Variants in BNC2 observed in about 807,000 individuals in gnomAD.
BNC2 encodes the protein zinc finger protein basonuclin-2.
A neutral mutation model predicts 76.3 loss-of-function variants in BNC2; 20 were observed. That is an observed-to-expected ratio of 0.26 (90% CI 0.18 to 0.38). BNC2 has a LOEUF of 0.38. Ranked by LOEUF, BNC2 falls within the 10% of genes least tolerant of loss-of-function variation. BNC2 has a pLI of 1.00. For missense variants in BNC2, 1,382 were observed against 1,399.8 expected, an observed-to-expected ratio of 0.99 and a Z score of 0.20; for synonymous variants, 582 against 514.8, an observed-to-expected ratio of 1.13 and a Z score of -1.77.
intron 5 of BNC2, among the ~76,000 whole-genome samples, chr9:16,515,031 A>ATC (rs1236845954): frequency 6.6e-6 from 1 of 152,216 alleles, no homozygotes; most frequent in Non-Finnish European, 1.5e-5. Context: ...AGACGGGAGG[A>ATC]AAGAGAACTC....
intron 3 of BNC2, among the ~76,000 whole-genome samples, chr9:16,673,440 A>C (rs74559152): frequency 6.7e-6 from 1 of 149,536 alleles, no homozygotes; most frequent in Non-Finnish European, 1.5e-5. Context: ...TAAAAAAAAA[A>C]AAAACACACA....
intron 5 of BNC2, among the ~76,000 whole-genome samples, chr9:16,482,676 C>G (rs1158278478): frequency 6.6e-6 from 1 of 151,570 alleles, no homozygotes; most frequent in East Asian, 1.9e-4. Flanking sequence ...TACTTCTTCT[C>G]TATCAGGAAT....
At chr9:16,652,993 C>T (rs1023576019) in intron 3 of BNC2, among the ~76,000 whole-genome samples, 12 of 152,108 alleles carry the variant, frequency 7.9e-5, no homozygotes, top group South Asian at 4.1e-4. Context: ...AAGTTTTGAA[C>T]TCTTGATTTC....
At chr9:16,572,215 A>C (rs1475854354) in intron 4 of BNC2, among the ~76,000 whole-genome samples, 1 of 152,178 alleles carries the variant, frequency 6.6e-6, no homozygotes, top group Non-Finnish European at 1.5e-5. Flanking sequence ...AAACAAATTT[A>C]ACTTCTCTAA....
At chr9:16,600,445 C>T (rs982133232) in intron 3 of BNC2, among the ~76,000 whole-genome samples, 4 of 152,088 alleles carry the variant, frequency 2.6e-5, no homozygotes, top group Admixed American at 6.6e-5. Flanking sequence ...GTAAAGCAGA[C>T]GTAGTACAAT....
chr9:16,558,049 T>A (rs1319024538), intron 4 of BNC2, among the ~76,000 whole-genome samples: 4 of 152,184 alleles, frequency 2.6e-5, no homozygotes, highest in African/African-American at 7.2e-5. Context: ...GGTTTCCCCA[T>A]GTTGTTCAGC....
At chr9:16,459,784 C>T (rs953072917) in intron 5 of BNC2, among the ~76,000 whole-genome samples, 7 of 152,106 alleles carry the variant, frequency 4.6e-5, no homozygotes, top group African/African-American at 1.7e-4. Context: ...TGCACCTTAT[C>T]AACAAATAAA....
intron 3 of BNC2, among the ~76,000 whole-genome samples, chr9:16,668,367 A>C: frequency 6.6e-6 from 1 of 152,190 alleles, no homozygotes; most frequent in East Asian, 1.9e-4. Context: ...TTTAGATGAG[A>C]AATCAGAAAA....
chr9:16,850,724 A>G (rs945333035), intron 1 of BNC2, among the ~76,000 whole-genome samples: 12 of 152,280 alleles, frequency 7.9e-5, no homozygotes, highest in Non-Finnish European at 1.5e-4. Context: ...CTTAAGTCCA[A>G]GAGTTCAAGG....
At chr9:16,864,551 A>G (rs1819494031) in intron 1 of BNC2, among the ~76,000 whole-genome samples, 1 of 152,196 alleles carries the variant, frequency 6.6e-6, no homozygotes, top group Non-Finnish European at 1.5e-5. Context: ...CCTGTTAAGC[A>G]AAATTCCTTC....
chr9:16,497,090 G>A (rs1471694663), intron 5 of BNC2, among the ~76,000 whole-genome samples: 1 of 152,246 alleles, frequency 6.6e-6, no homozygotes, highest in Non-Finnish European at 1.5e-5. Context: ...GGAAGGGGAA[G>A]GGCTCAGAGA....
chr9:16,566,051 T>C (rs1819157883), intron 4 of BNC2, among the ~76,000 whole-genome samples: 1 of 152,190 alleles, frequency 6.6e-6, no homozygotes, highest in Non-Finnish European at 1.5e-5. Flanking sequence ...GTCTTTCTTC[T>C]TTCTTATTAA....
chr9:16,420,674 T>C (rs902121425), intron 6 of BNC2, among the ~76,000 whole-genome samples: 2 of 150,814 alleles, frequency 1.3e-5, no homozygotes, highest in Non-Finnish European at 2.9e-5. Flanking sequence ...TATGTATGTA[T>C]GTATATACAT....
chr9:16,770,523 C>A (rs1162734088), intron 1 of BNC2, among the ~76,000 whole-genome samples: 1 of 152,186 alleles, frequency 6.6e-6, no homozygotes, highest in Non-Finnish European at 1.5e-5. Context: ...GGAGCAACTA[C>A]TTCCAAATCA....
In BNC2 at chr9:16,443,947, G is replaced by A. The variant is rs1011656799; in HGVS notation, c.670-6423C>T. 8.6e-5 allele frequency among the ~76,000 whole-genome samples: 13 copies of A among 152,022 alleles called. 1 individual carries two copies. Among genetic ancestry groups the A allele is most frequent in the Admixed American group, 5.2e-4 (8 of 15,264 alleles). On this transcript the variant is annotated intron_variant, in intron 5 of 6. Transcript: ENST00000380672. ...CATAGATTGTACACTTAAAATTGGC[G>A]GATTTTATTGTATGGAAAGTATACT...
In BNC2 at chr9:16,409,981, A is replaced by G. The variant is rs560507616; in HGVS notation, c.*9008T>C. ...GAGAGGGAGAGGACATATCTTAGTG[A>G]AAATTCCTTTTCTTCAAGATATTTC... On this transcript the variant is annotated 3_prime_UTR_variant, in exon 7 of 7. Coordinates refer to ENST00000380672, the MANE Select transcript of BNC2 (RefSeq NM_017637.6). 112 of 152,388 alleles carry G rather than the reference A, an allele frequency of 7.3e-4. No individual in the cohort carries two copies. The highest frequency in any genetic ancestry group is 2.6e-3 in the African/African-American group (110 of 41,576). The allele number at this position is 152,388 out of a possible 1,614,324, so 9.4% of individuals were successfully genotyped here.
chr9:16,677,833 C>G (rs1430754313), intron 3 of BNC2, among the ~76,000 whole-genome samples: 3 of 152,124 alleles, frequency 2.0e-5, no homozygotes, highest in Non-Finnish European at 4.4e-5. Context: ...TTTTAAAAAG[C>G]TTAATCAAGG....
intron 1 of BNC2, among the ~76,000 whole-genome samples, chr9:16,793,270 G>A (rs1817560891): frequency 6.6e-6 from 1 of 152,008 alleles, no homozygotes; most frequent in Admixed American, 6.6e-5. Context: ...ACAATCCAAA[G>A]CCGAAATCAG....
chr9:16,704,137 G>A (rs1823592387), intron 3 of BNC2, among the ~76,000 whole-genome samples: 1 of 152,122 alleles, frequency 6.6e-6, no homozygotes, highest in African/African-American at 2.4e-5. Flanking sequence ...AAGGCACACT[G>A]CATTATCAGA....
Sources: gnomAD v4.1 joint callset for allele counts (sites outside exome capture counted in the v4.1 genomes callset) on GRCh38, gnomAD v4.1.1 for gene constraint, MANE v1.5 for transcripts, NCBI Gene and HGNC (gene_info 2026-07-23, HGNC 2026-07-21) for gene names.